Variants in PFAS observed in about 807,000 individuals in gnomAD.
The protein encoded by PFAS is phosphoribosylformylglycinamidine synthase, also known as FGAM synthase.
A neutral mutation model predicts 140.6 loss-of-function variants in PFAS; 97 were observed. The observed-to-expected ratio is 0.69, with a 90% CI of 0.59 to 0.82. The LOEUF (loss-of-function observed/expected upper bound fraction) is 0.82. PFAS is among the 40% of genes least tolerant of loss of function. The pLI, the probability that PFAS is intolerant of heterozygous loss-of-function variation, is 0.00. For synonymous variants in PFAS, 679 were observed against 718.8 expected, an observed-to-expected ratio of 0.94 and a Z score of 0.88; for missense variants, 1,656 against 1,780.2, an observed-to-expected ratio of 0.93 and a Z score of 1.26.
upstream of PFAS, chr17:8,247,637 C>T: frequency 4.9e-6 from 1 of 204,248 alleles, no homozygotes; most frequent in Non-Finnish European, 1.0e-5. Flanking sequence ...CTTCTACACG[C>T]ACTTCGGGTC....
rs1265089810 is a variant in PFAS at position 8,267,507 on chromosome 17, G to A, written c.3267+44G>A. 12 of 1,595,624 alleles carry A rather than the reference G, an allele frequency of 7.5e-6. No individual in the cohort carries two copies. The highest frequency in any genetic ancestry group is 1.3e-5 in the African/African-American group (1 of 74,704). On this transcript the variant is annotated intron_variant, in intron 25 of 27. Coordinates refer to ENST00000314666, the MANE Select transcript of PFAS (RefSeq NM_012393.3). This position sits in a 1 kb window ranked among gnomAD's most constrained non-coding sequence, Gnocchi z 4.9. ...AGCTGGGGGTGATTGTCCAGCCTCAGCTGCGTGTCCTCCCACCCACACTCC... is the reference window on the plus strand; with the variant it reads ...AGCTGGGGGTGATTGTCCAGCCTCAACTGCGTGTCCTCCCACCCACACTCC...
At chr17:8,252,985 G>C (rs1989218194) in intron 1 of PFAS, among the ~76,000 whole-genome samples, 1 of 152,136 alleles carries the variant, frequency 6.6e-6, no homozygotes, top group Non-Finnish European at 1.5e-5. Flanking sequence ...ATTCTTGAGA[G>C]TTCCACTTTC....
chr17:8,255,224 G>A, intron 4 of PFAS, 92 bp downstream of exon 4: 1 of 955,590 alleles, frequency 1.0e-6, no homozygotes, highest in Non-Finnish European at 1.6e-6. Flanking sequence ...GGTGCTCCTG[G>A]CTTTAGGCCT....
In PFAS at chr17:8,267,226, C is replaced by T. The variant is rs372315945; in HGVS notation, c.3166C>T (p.Arg1056Cys). The T allele has an allele frequency of 1.2e-5, 20 of 1,608,764 alleles. No homozygotes were observed. Among genetic ancestry groups the T allele is most frequent in the African/African-American group, 1.2e-4 (9 of 74,848 alleles). The change falls in exon 24 of 28, where the codon CGT (arginine) becomes TGT (cysteine). Residue 1056 changes from arginine to cysteine, a missense_variant. Around this residue, in one of 2 missense-constraint regions of PFAS, gnomAD observed 883 missense variants for 1,023.0 expected, o/e 0.86. Transcript: ENST00000314666. This position sits in a 1 kb window ranked among gnomAD's most constrained non-coding sequence, Gnocchi z 4.9. ...CACCTTTCCCAAAGCCTCCGTGCCCCGTGAGCCTGGTGAGGGAGTGTGTGC... is the reference window on the plus strand; with the variant it reads ...CACCTTTCCCAAAGCCTCCGTGCCCTGTGAGCCTGGTGAGGGAGTGTGTGC... ...PPTFPKASVP[R>C]EPGGPSPRVA...
Position 8,270,233 on chromosome 17 carries a change from CTTT to C in PFAS, c.*970_*972del, listed in dbSNP as rs1384064036. 1 of 152,110 alleles carries C rather than the reference CTTT, an allele frequency of 6.6e-6. No homozygotes were observed. The highest frequency in any genetic ancestry group is 1.5e-5 in the Non-Finnish European group (1 of 68,024). The allele number at this position is 152,110 out of a possible 1,614,324, so 9.4% of individuals were successfully genotyped here. ...GGGCTCTCATCCCTAGATCCTAACCCTTTAGTATGCTGGAATTCTACTCTTCAC... is the reference window on the plus strand; with the variant it reads ...GGGCTCTCATCCCTAGATCCTAACCCAGTATGCTGGAATTCTACTCTTCAC... On this transcript the variant is annotated 3_prime_UTR_variant, in exon 28 of 28. Coordinates refer to ENST00000314666, the MANE Select transcript of PFAS (RefSeq NM_012393.3).
Position 8,254,078 on chromosome 17 carries a change from A to G in PFAS, c.141A>G (p.Thr47=), listed in dbSNP as rs369136545. 103 of 1,613,948 alleles carry G rather than the reference A, an allele frequency of 6.4e-5. No individual in the cohort carries two copies. The highest frequency in any genetic ancestry group is 8.2e-5 in the Non-Finnish European group (97 of 1,179,850). Reference sequence around the variant, plus strand: ...AACTGTGCTACAACGTGAACTGGACAGGTTGGGCCCAGGTATTAGATTCTT... The same window carrying G: ...AACTGTGCTACAACGTGAACTGGACGGGTTGGGCCCAGGTATTAGATTCTT... The part of the protein sequence containing the change: ...ETELCYNVNW[T]AEALPSAEET... The change falls in exon 2 of 28, where the codon ACA becomes ACG. Residue 47 remains threonine (T), a splice_region_variant and synonymous_variant. Coordinates refer to ENST00000314666, the MANE Select transcript of PFAS (RefSeq NM_012393.3).
In PFAS at chr17:8,266,324, A is replaced by G. The variant is rs1989812149; in HGVS notation, c.2792A>G (p.Gln931Arg). 12 of 1,613,940 alleles carry G rather than the reference A, an allele frequency of 7.4e-6. No individual in the cohort carries two copies. Among genetic ancestry groups the G allele is most frequent in the Admixed American group, 1.7e-5 (1 of 59,992 alleles). ...EMAFAGNCGLQVDVPVPRVDV... is the reference protein window; with the variant it reads ...EMAFAGNCGLRVDVPVPRVDV... Reference sequence around the variant, plus strand: ...GCCTTTGCTGGAAATTGCGGGCTACAGGTGGATGTGCCTGTCCCCAGGGTT... The same window carrying G: ...GCCTTTGCTGGAAATTGCGGGCTACGGGTGGATGTGCCTGTCCCCAGGGTT... Residue 931 changes from glutamine to arginine, a missense_variant, in exon 22 of 28, where the codon CAG becomes CGG. By Grantham distance (43) the Gln-to-Arg change is conservative (BLOSUM62 1). Coordinates refer to ENST00000314666, the MANE Select transcript of PFAS (RefSeq NM_012393.3). The surrounding 1 kb of genome is among the most constrained non-coding windows in gnomAD (Gnocchi z 5.0).
chr17:8,256,708 C>A, intron 8 of PFAS, 60 bp downstream of exon 8: 3 of 1,592,780 alleles, frequency 1.9e-6, no homozygotes, highest in Non-Finnish European at 2.6e-6. Context: ...GCAAAGGTCC[C>A]AGGCCCCTGG....
chr17:8,250,728 A>AGAGTTGCTGC (rs1374463857), intron 1 of PFAS, among the ~76,000 whole-genome samples: 2 of 152,308 alleles, frequency 1.3e-5, no homozygotes, highest in Admixed American at 6.5e-5. Flanking sequence ...TCAATACACC[A>AGAGTTGCTGC]AGACACCAGG....
In PFAS at chr17:8,254,133, G is replaced by A. The variant is rs1195785966; in HGVS notation, c.143-33G>A. On this transcript the variant is annotated intron_variant, in intron 2 of 27. Transcript: ENST00000314666. ...GACATGCCTCGGTGCTGGGGGCAGT[G>A]TCTCAAGGTGTCCTTGCCCTGTCTC... 1.9e-6 allele frequency: 3 copies of A among 1,613,958 alleles called. No individual in the cohort carries two copies. In the African/African-American group the frequency reaches 4.0e-5, roughly 22 times the overall value.
chr17:8,254,942 T>C (rs763968216), intron 3 of PFAS, 85 bp from the exon 4 acceptor site: 11 of 910,166 alleles, frequency 1.2e-5, no homozygotes, highest in Non-Finnish European at 1.8e-5. Context: ...TGGGAGGTTG[T>C]CCAGACAGCA....
In PFAS at chr17:8,255,726, A is replaced by C. The variant is rs375414471; in HGVS notation, c.574+35A>C. 149 of 1,606,020 alleles carry C rather than the reference A, an allele frequency of 9.3e-5. 1 individual carries two copies. The African/African-American group carries it at 1.6e-3, about 17-fold the overall frequency. On this transcript the variant is annotated intron_variant, in intron 5 of 27. Transcript: ENST00000314666. ...TGGGGAGGGAGATGTAGGGTCCAGG[A>C]TAGGCCAGTAGGGGTGCTGAGATCT...
intron 1 of PFAS, among the ~76,000 whole-genome samples, chr17:8,252,216 C>T (rs1270228561): frequency 6.6e-6 from 1 of 151,354 alleles, no homozygotes; most frequent in Non-Finnish European, 1.5e-5. Flanking sequence ...ATTGCTTGAA[C>T]CCAGGTGGCA....
In PFAS at chr17:8,267,867, T is replaced by C. The variant is rs1317849638; in HGVS notation, c.3382+202T>C. Among the ~76,000 whole-genome samples the C allele has an allele frequency of 6.8e-6, 1 of 147,064 alleles. No homozygotes were observed. Among genetic ancestry groups the C allele is most frequent in the Non-Finnish European group, 1.5e-5 (1 of 67,062 alleles). ...TTGAAAAAAAGTATATATATACACA[T>C]ATGTAATTAAAATATATATTATTAA... On this transcript the variant is annotated intron_variant, in intron 26 of 27. Coordinates refer to ENST00000314666, the MANE Select transcript of PFAS (RefSeq NM_012393.3). This position sits in a 1 kb window ranked among gnomAD's most constrained non-coding sequence, Gnocchi z 4.9.
In PFAS at chr17:8,267,375, G is replaced by T. The variant is rs772493182; in HGVS notation, c.3179G>T (p.Gly1060Val). The T allele has an allele frequency of 1.9e-6, 3 of 1,613,712 alleles. No individual in the cohort carries two copies. The highest frequency in any genetic ancestry group is 1.7e-5 in the Admixed American group (1 of 60,006). The change falls in exon 25 of 28, where the codon GGT becomes GTT. Residue 1060 changes from glycine to valine, a missense_variant. Coordinates refer to ENST00000314666, the MANE Select transcript of PFAS (RefSeq NM_012393.3). This position sits in a 1 kb window ranked among gnomAD's most constrained non-coding sequence, Gnocchi z 4.9. ...AAGACACTTATTCTCCCCCAAGGTGGTCCCAGCCCCCGAGTCGCCATCTTG... is the reference window on the plus strand; with the variant it reads ...AAGACACTTATTCTCCCCCAAGGTGTTCCCAGCCCCCGAGTCGCCATCTTG... ...PKASVPREPG[G>V]PSPRVAILRE...
chr17:8,260,708 C>T (rs1429487171), intron 11 of PFAS, among the ~76,000 whole-genome samples: 1 of 152,082 alleles, frequency 6.6e-6, no homozygotes, highest in East Asian at 1.9e-4. Context: ...CACTGCAAGC[C>T]CCGCCTCCCG....
At chr17:8,248,179 C>A, upstream of PFAS, 1 of 670,572 alleles carries the variant, frequency 1.5e-6, no homozygotes, top group Non-Finnish European at 2.7e-6. Context: ...CCCTCGCTTC[C>A]TAGAGACTCC....
In PFAS at chr17:8,264,677, G is replaced by T; in HGVS notation, c.2049+76G>T. The T allele has an allele frequency of 2.1e-6, 3 of 1,456,650 alleles. No homozygotes were observed. The South Asian group carries it at 4.0e-5, about 19-fold the overall frequency. 90.2% of individuals were successfully genotyped at this position (1,456,650 alleles called of 1,614,324 possible). A position where few individuals can be genotyped will look rare whatever the true frequency, so the allele number is the denominator to read the frequency against. On this transcript the variant is annotated intron_variant, in intron 17 of 27. Coordinates refer to ENST00000314666, the MANE Select transcript of PFAS (RefSeq NM_012393.3). ...TCTTCTGCCCTCCCACCCTTAGAAAGTGCTGTGGGGGTTTTTGCCTGGCCC... is the reference window on the plus strand; with the variant it reads ...TCTTCTGCCCTCCCACCCTTAGAAATTGCTGTGGGGGTTTTTGCCTGGCCC...
rs1989762102 is a variant in PFAS, at chr17:8,265,198, C to T, written c.2280+73C>T. 3 of 1,564,376 alleles carry T rather than the reference C, an allele frequency of 1.9e-6. No individual in the cohort carries two copies. The East Asian group carries it at 6.8e-5, about 35-fold the overall frequency. ...CCTTCCACATCCATCTGTAGCCCTTCATTTCATGTTGCAACCTCCCAGTCC... is the reference window on the plus strand; with the variant it reads ...CCTTCCACATCCATCTGTAGCCCTTTATTTCATGTTGCAACCTCCCAGTCC... On this transcript the variant is annotated intron_variant, in intron 18 of 27. Coordinates refer to ENST00000314666, the MANE Select transcript of PFAS (RefSeq NM_012393.3).
Sources: gnomAD v4.1 joint callset for allele counts (sites outside exome capture counted in the v4.1 genomes callset) on GRCh38, gnomAD v4.1.1 for gene constraint, gnomAD v4.1.1 regional missense constraint, Gnocchi (gnomAD v3.1) non-coding constraint, MANE v1.5 for transcripts, NCBI Gene and HGNC (gene_info 2026-07-23, HGNC 2026-07-21) for gene names.